GSK3B: variants seen among roughly 807,000 people sequenced by gnomAD.
GSK3B encodes glycogen synthase kinase-3 beta.
GSK3B carries 15 observed loss-of-function variants against 56.4 expected under a neutral mutation model. That is an observed-to-expected ratio of 0.27 (90% CI 0.18 to 0.41). The LOEUF (loss-of-function observed/expected upper bound fraction) is 0.41. GSK3B is among the 10% of genes least tolerant of loss of function. GSK3B has a pLI of 1.00. For missense variants in GSK3B, 300 were observed against 513.4 expected (o/e 0.58, Z 4.02); for synonymous variants, 181 against 188.9 (o/e 0.96, Z 0.34).
chr3:120,055,271 A>C (rs928590097), intron 1 of GSK3B, among the ~76,000 whole-genome samples: 3 of 152,182 alleles, frequency 2.0e-5, no homozygotes, highest in Non-Finnish European at 4.4e-5. Flanking sequence ...CCAAGAAGCT[A>C]AGCAACACAT....
chr3:119,929,914 A>AT lies in GSK3B; in HGVS notation c.367-6432_367-6431insA, dbSNP rs1279830187. ...GAAACTCTGCCTCAAAAAAAAAAAA[A>AT]AAAAATAATAATAATAATTAGCCAG... On this transcript the variant is annotated intron_variant, in intron 3 of 10. Coordinates refer to ENST00000264235, the MANE Select transcript of GSK3B (RefSeq NM_001146156.2). 5.3e-3 allele frequency among the ~76,000 whole-genome samples: 781 copies of AT among 148,636 alleles called. 2 individuals carry two copies. Among genetic ancestry groups the AT allele is most frequent in the African/African-American group, 0.018 (719 of 39,720 alleles).
chr3:119,873,323 TTCTG>T (rs1225551070), intron 8 of GSK3B, among the ~76,000 whole-genome samples: 3 of 152,074 alleles, frequency 2.0e-5, no homozygotes, highest in East Asian at 1.9e-4. Flanking sequence ...TGGTCTTTAT[TTCTG>T]TCTACTTTTT....
intron 1 of GSK3B, among the ~76,000 whole-genome samples, chr3:120,018,602 C>T (rs2057846847): frequency 6.6e-6 from 1 of 152,160 alleles, no homozygotes; most frequent in South Asian, 2.1e-4. Context: ...GTTTAGTATA[C>T]TTTCCATTAC....
At chr3:119,940,876 T>A (rs1170360733) in intron 3 of GSK3B, among the ~76,000 whole-genome samples, 1 of 152,200 alleles carries the variant, frequency 6.6e-6, no homozygotes, top group East Asian at 1.9e-4. Flanking sequence ...CTCCATCTCC[T>A]CTTCATAGAA....
At chr3:119,833,714 T>TTTTC (rs1553722261) in intron 10 of GSK3B, among the ~76,000 whole-genome samples, 21 of 147,098 alleles carry the variant, frequency 1.4e-4, no homozygotes, top group Non-Finnish European at 2.8e-4. Flanking sequence ...TTTTTTTTTT[T>TTTTC]AGACAGGGTC....
intron 8 of GSK3B, among the ~76,000 whole-genome samples, chr3:119,870,224 C>T (rs2056234718): frequency 6.6e-6 from 1 of 152,180 alleles, no homozygotes; most frequent in South Asian, 2.1e-4. Flanking sequence ...TGTGGAACAC[C>T]TCTGAACACT....
At chr3:119,963,516 G>A (rs1389578489) in intron 2 of GSK3B, among the ~76,000 whole-genome samples, 17 of 151,398 alleles carry the variant, frequency 1.1e-4, no homozygotes, top group Admixed American at 1.1e-3. Context: ...CTACTTGGAA[G>A]GCTGAGGTGG....
intron 2 of GSK3B, among the ~76,000 whole-genome samples, chr3:119,989,394 G>C (rs1333100026): frequency 6.6e-6 from 1 of 152,140 alleles, no homozygotes; most frequent in Non-Finnish European, 1.5e-5. Context: ...TGTAATCCCA[G>C]CATTTTGGGA....
chr3:119,840,711 G>C (rs559379617), intron 10 of GSK3B, among the ~76,000 whole-genome samples: 1 of 152,276 alleles, frequency 6.6e-6, no homozygotes, highest in South Asian at 2.1e-4. Flanking sequence ...CAGCGCCATA[G>C]AAAACTGTTT....
At chr3:119,866,321 T>C (rs1402317081) in intron 8 of GSK3B, among the ~76,000 whole-genome samples, 1 of 152,170 alleles carries the variant, frequency 6.6e-6, no homozygotes, top group Non-Finnish European at 1.5e-5. Context: ...TCATCAATAT[T>C]TATTCTTGTA....
At chr3:119,937,088 C>A (rs1576213513) in intron 3 of GSK3B, among the ~76,000 whole-genome samples, 2 of 151,936 alleles carry the variant, frequency 1.3e-5, no homozygotes, top group South Asian at 2.1e-4. Context: ...GAAGGGAAAC[C>A]AGAAAATTCA....
chr3:119,946,991 TAA>T (rs74697968), intron 3 of GSK3B, among the ~76,000 whole-genome samples: 1 of 144,516 alleles, frequency 6.9e-6, no homozygotes, highest in Admixed American at 6.9e-5. Context: ...TAGATGTCTT[TAA>T]AAAAAAAAAA....
intron 6 of GSK3B, among the ~76,000 whole-genome samples, chr3:119,910,178 T>C (rs13316265): frequency 0.018 from 2,768 of 152,250 alleles, 93 homozygotes; most frequent in African/African-American, 0.063. Flanking sequence ...TTTAAATTCT[T>C]AAGGTAAAAG....
intron 1 of GSK3B, among the ~76,000 whole-genome samples, chr3:120,018,613 T>C (rs1454229666): frequency 6.6e-6 from 1 of 152,198 alleles, no homozygotes; most frequent in Non-Finnish European, 1.5e-5. Context: ...TTTCCATTAC[T>C]TATAAAAGTG....
chr3:119,925,190 G>A (rs914369317), intron 3 of GSK3B, among the ~76,000 whole-genome samples: 6 of 152,106 alleles, frequency 3.9e-5, no homozygotes, highest in African/African-American at 7.2e-5. Flanking sequence ...TTAGCCAGGC[G>A]TGGTGGTGTG....
chr3:119,971,204 G>C (rs2057363478), intron 2 of GSK3B, among the ~76,000 whole-genome samples: 1 of 152,144 alleles, frequency 6.6e-6, no homozygotes. Context: ...TTTACTTATA[G>C]TTTCTCCCCA....
chr3:119,922,228 G>GAGAAGGAAGGAAGGAAGGAA (rs1553733662), intron 4 of GSK3B, among the ~76,000 whole-genome samples: 2 of 61,490 alleles, frequency 3.3e-5, no homozygotes, highest in African/African-American at 1.8e-4. Context: ...GAAGGAAGGA[G>GAGAAGGAAGGAAGGAAGGAA]GGAAGGAAGG....
intron 8 of GSK3B, among the ~76,000 whole-genome samples, chr3:119,868,152 GAAAA>G (rs1052483128): frequency 3.4e-4 from 52 of 151,742 alleles, no homozygotes; most frequent in Middle Eastern, 6.8e-3. Context: ...AAAAAAGAAA[GAAAA>G]GAGAAAGGAA....
intron 1 of GSK3B, among the ~76,000 whole-genome samples, chr3:120,053,639 G>A (rs1450442622): frequency 6.6e-6 from 1 of 152,164 alleles, no homozygotes; most frequent in Non-Finnish European, 1.5e-5. Context: ...GAATGGTTTG[G>A]CTGTGTCCCA....
Sources: allele counts gnomAD v4.1 joint callset (sites outside exome capture counted in the v4.1 genomes callset), GRCh38; gene constraint gnomAD v4.1.1; transcripts MANE v1.5; gene names NCBI Gene and HGNC (gene_info 2026-07-23, HGNC 2026-07-21).